DPF1: variants seen among roughly 807,000 people sequenced by gnomAD.
DPF1 encodes the protein double PHD fingers 1.
Under a neutral mutation model 58.7 loss-of-function variants are expected in DPF1, and 14 were observed. The observed-to-expected ratio is 0.24, with a 90% CI of 0.16 to 0.37. The LOEUF is 0.37. DPF1 is among the 10% of genes least tolerant of loss of function. The pLI is 1.00. For synonymous variants in DPF1, 216 were observed against 216.0 expected (o/e 1.00, Z 0.00); for missense variants, 345 against 529.9 (o/e 0.65, Z 3.43).
intron 9 of DPF1, 58 bp from the exon 10 acceptor site, chr19:38,213,814 G>T: frequency 1.4e-6 from 2 of 1,445,488 alleles, no homozygotes; most frequent in Non-Finnish European, 1.9e-6. Context: ...GGTGGGCACT[G>T]ACCGGCAGGG....
rs1356796988 is a variant in DPF1 at position 38,213,716 on chromosome 19, T to G, written c.939A>C (p.Ala313=). 2 of 1,613,768 alleles carry G rather than the reference T, an allele frequency of 1.2e-6. No individual in the cohort carries two copies. The highest frequency in any genetic ancestry group is 4.5e-5 in the East Asian group (2 of 44,864). The change falls in exon 10 of 12, where the codon GCA becomes GCC. Residue 313 remains alanine, a synonymous_variant. Coordinates refer to ENST00000355526, the MANE Select transcript of DPF1 (RefSeq NM_001135155.3). The part of the protein sequence containing the change: ...SCLQFTVNMT[A]AVRTYRWQCI... ...ACTGCCAGCGGTAGGTCCGCACGGC[T>G]GCCGTCATGTTCACCGTGAATTGTA...
At chr19:38,226,054 C>A (rs548737694), upstream of DPF1, among the ~76,000 whole-genome samples, 5 of 152,080 alleles carry the variant, frequency 3.3e-5, no homozygotes, top group Non-Finnish European at 7.4e-5. Flanking sequence ...CATGCCCTGG[C>A]GGCTCTTTGA....
chr19:38,218,749 G>A, intron 4 of DPF1, 87 bp from the exon 5 acceptor site: 1 of 1,552,996 alleles, frequency 6.4e-7, no homozygotes, highest in Non-Finnish European at 8.9e-7. Flanking sequence ...GGAGATTGGG[G>A]GTGAGAGTAT....
intron 10 of DPF1, among the ~76,000 whole-genome samples, chr19:38,212,666 C>T (rs532278660): frequency 1.5e-4 from 22 of 150,756 alleles, no homozygotes; most frequent in East Asian, 1.4e-3. Context: ...GCTGGAAGTG[C>T]GGTGGTGCAG....
chr19:38,225,610 G>T (rs936297208), upstream of DPF1, among the ~76,000 whole-genome samples: 1 of 147,674 alleles, frequency 6.8e-6, no homozygotes, highest in African/African-American at 2.5e-5. Flanking sequence ...AAAAAACTAA[G>T]TAAGCAGGGC....
In DPF1 at chr19:38,222,486, AG is replaced by A. The variant is rs757911095; in HGVS notation, c.191-23del. On this transcript the variant is annotated intron_variant, in intron 2 of 11. Coordinates refer to ENST00000355526, the MANE Select transcript of DPF1 (RefSeq NM_001135155.3). The surrounding 1 kb of genome is among the most constrained non-coding windows in gnomAD (Gnocchi z 4.9). ...AAACCTGGAGAGAGAGGGGGGTGAG[AG>A]GGCGGCGGCGGTGGGGCGGCCTGGC... The A allele has an allele frequency of 1.9e-6, 3 of 1,580,130 alleles. No homozygotes were observed. The highest frequency in any genetic ancestry group is 3.5e-4 in the Middle Eastern group (2 of 5,776).
intron 1 of DPF1, among the ~76,000 whole-genome samples, chr19:38,223,571 C>T (rs971086494): frequency 1.3e-5 from 2 of 152,114 alleles, no homozygotes; most frequent in African/African-American, 4.8e-5. Context: ...TACACGCAGC[C>T]CTACATACCC....
chr19:38,216,733 G>A (rs911456517), intron 7 of DPF1, among the ~76,000 whole-genome samples: 1 of 152,178 alleles, frequency 6.6e-6, no homozygotes, highest in Non-Finnish European at 1.5e-5. Flanking sequence ...CACCCAGCCA[G>A]GATTCCCAAC....
In DPF1 at chr19:38,216,363, C is replaced by A. The variant is rs757237029; in HGVS notation, c.768G>T (p.Arg256Ser). 2 of 1,599,994 alleles carry A rather than the reference C, an allele frequency of 1.3e-6. No individual in the cohort carries two copies. Among genetic ancestry groups the A allele is most frequent in the Non-Finnish European group, 1.7e-6 (2 of 1,172,260 alleles). Reference sequence around the variant, plus strand: ...AGGAGGCATCCGTACCTGTGTGTTTCCTTTGTGCCTCAGGGACCCAGGCCA... The same window carrying A: ...AGGAGGCATCCGTACCTGTGTGTTTACTTTGTGCCTCAGGGACCCAGGCCA... Reference protein sequence around the residue: ...KELAWVPEAQRKHTAKKAPDG... With the variant: ...KELAWVPEAQSKHTAKKAPDG... The change falls in exon 8 of 12, where the codon AGG (arginine) becomes AGT (serine). Residue 256 changes from arginine to serine, a missense_variant. Physicochemically the swap from Arg to Ser is moderately radical, Grantham distance 110 (BLOSUM62 -1). Coordinates refer to ENST00000355526, the MANE Select transcript of DPF1 (RefSeq NM_001135155.3).
chr19:38,215,233 G>A (rs1243716384), intron 9 of DPF1, among the ~76,000 whole-genome samples: 2 of 150,816 alleles, frequency 1.3e-5, no homozygotes, highest in Non-Finnish European at 3.0e-5. Context: ...GCTCACGCCT[G>A]TAATCCCAGC....
Position 38,222,621 on chromosome 19 carries a change from G to A in DPF1, c.117C>T (p.Pro39=), listed in dbSNP as rs1225778795. Residue 39 remains proline, a synonymous_variant, in exon 2 of 12, where the codon CCC becomes CCT. Coordinates refer to ENST00000355526, the MANE Select transcript of DPF1 (RefSeq NM_001135155.3). The surrounding 1 kb of genome is among the most constrained non-coding windows in gnomAD (Gnocchi z 4.9). ...CCACGCCGGTCTGCGAGTCGAGGAA[G>A]GGCAGTCGCAGGCTGCGCTCGGCGC... ...RLCAERSLRL[P]FLDSQTGVAQ... 7 of 1,611,646 alleles carry A rather than the reference G, an allele frequency of 4.3e-6. No homozygotes were observed. In the Admixed American group the frequency reaches 8.4e-5, roughly 19 times the overall value.
intron 9 of DPF1, among the ~76,000 whole-genome samples, chr19:38,215,519 C>T: frequency 7.9e-6 from 1 of 127,296 alleles, no homozygotes. Context: ...CAAAACAAAA[C>T]AAAAACCTTC....
chr19:38,217,748 G>A (rs1341223254), intron 6 of DPF1, 50 bp downstream of exon 6: 3 of 1,610,506 alleles, frequency 1.9e-6, no homozygotes, highest in East Asian at 4.5e-5. Flanking sequence ...GAGGTGGGGA[G>A]TCTCTGGGCA....
intron 1 of DPF1, among the ~76,000 whole-genome samples, chr19:38,223,566 G>A (rs1967658320): frequency 1.3e-5 from 2 of 151,884 alleles, no homozygotes; most frequent in Non-Finnish European, 2.9e-5. Context: ...ACAAATACAC[G>A]CAGCCCTACA....
chr19:38,212,989 GTTT>G (rs1186926618), intron 10 of DPF1, among the ~76,000 whole-genome samples: 2 of 133,446 alleles, frequency 1.5e-5, no homozygotes. Flanking sequence ...GTTTTTGTTT[GTTT>G]TTTTTTTTTT....
In DPF1 at chr19:38,222,396, G is replaced by C; in HGVS notation, c.259C>G (p.Leu87Val). ...CWRKKRRLNI[L>V]EDPRLRPCEY... ...CAGGGCCTGAGTCTGGGGTCCTCCA[G>C]GATGTTGAGTCTCCGTTTCTTCCTC... The change falls in exon 3 of 12, where the codon CTG becomes GTG. Residue 87 changes from leucine to valine, a missense_variant. Physicochemically the swap from Leu to Val is conservative, Grantham distance 32 (BLOSUM62 1). Transcript: ENST00000355526. The surrounding 1 kb of genome is among the most constrained non-coding windows in gnomAD (Gnocchi z 4.9). 6.3e-7 allele frequency: 1 copy of C among 1,588,968 alleles called. No homozygotes were observed. The highest frequency in any genetic ancestry group is 8.5e-7 in the Non-Finnish European group (1 of 1,173,462).
At chr19:38,216,604 TA>T (rs779845580) in intron 7 of DPF1, 7 of 535,404 alleles carry the variant, frequency 1.3e-5, no homozygotes, top group African/African-American at 2.0e-5. Context: ...TTTTTTCAAT[TA>T]AAAATAAAGG....
At position 38,224,068 on chromosome 19, in the gene DPF1, T is replaced by C; in HGVS notation, c.29+46A>G. ...GTCGCCACACACACACAGGCCCGCG[T>C]AGACCCGCCCGCGCTTCCTCTCCGC... On this transcript the variant is annotated intron_variant, in intron 1 of 11. Transcript: ENST00000355526. This position sits in a 1 kb window ranked among gnomAD's most constrained non-coding sequence, Gnocchi z 4.5. 1 of 1,490,530 alleles carries C rather than the reference T, an allele frequency of 6.7e-7. No homozygotes were observed. 92.3% of individuals were successfully genotyped at this position (1,490,530 alleles called of 1,614,324 possible). A position where few individuals can be genotyped will look rare whatever the true frequency, so the allele number is the denominator to read the frequency against.
At position 38,224,098 on chromosome 19, in the gene DPF1, C is replaced by T. The variant is rs1967698891; in HGVS notation, c.29+16G>A. 1.3e-6 allele frequency: 2 copies of T among 1,502,474 alleles called. No homozygotes were observed. The highest frequency in any genetic ancestry group is 8.8e-7 in the Non-Finnish European group (1 of 1,137,336). 93.1% of individuals were successfully genotyped at this position (1,502,474 alleles called of 1,614,324 possible). ...CCGCCCGCGCTTCCTCTCCGCCTCCCGCCGGCCCGCACCACCTCAGGGGGC... is the reference window on the plus strand; with the variant it reads ...CCGCCCGCGCTTCCTCTCCGCCTCCTGCCGGCCCGCACCACCTCAGGGGGC... On this transcript the variant is annotated intron_variant, in intron 1 of 11. Transcript: ENST00000355526. The surrounding 1 kb of genome is among the most constrained non-coding windows in gnomAD (Gnocchi z 4.5).
Sources: gnomAD v4.1 joint callset for allele counts (sites outside exome capture counted in the v4.1 genomes callset) on GRCh38, gnomAD v4.1.1 for gene constraint, Gnocchi (gnomAD v3.1) non-coding constraint, MANE v1.5 for transcripts, NCBI Gene and HGNC (gene_info 2026-07-23, HGNC 2026-07-21) for gene names.